Variants in VPS53 observed in about 807,000 individuals in gnomAD.
VPS53 encodes the protein VPS53 subunit of GARP complex.
Under a neutral mutation model 107.0 loss-of-function variants are expected in VPS53, and 70 were observed. The ratio of observed to expected loss-of-function variants is 0.65; its 90% CI spans 0.54 to 0.80. The LOEUF (loss-of-function observed/expected upper bound fraction) is 0.80, where lower values mean the gene tolerates loss of function less well. Ranked by LOEUF, VPS53 falls within the 30% of genes least tolerant of loss-of-function variation. VPS53 has a pLI of 0.00. For missense variants in VPS53, 917 were observed against 1,049.4 expected, an observed-to-expected ratio of 0.87 and a Z score of 1.74; for synonymous variants, 409 against 393.3, an observed-to-expected ratio of 1.04 and a Z score of -0.47.
intron 11 of VPS53, among the ~76,000 whole-genome samples, chr17:619,563 G>C (rs1205007136): frequency 7.4e-6 from 1 of 135,314 alleles, no homozygotes; most frequent in Non-Finnish European, 1.6e-5. Context: ...TGGGACTACA[G>C]GCATGCACCA....
intron 3 of VPS53, among the ~76,000 whole-genome samples, chr17:699,026 G>A (rs927365972): frequency 6.6e-5 from 10 of 151,978 alleles, no homozygotes; most frequent in Non-Finnish European, 1.5e-4. Context: ...AATTTGCCAG[G>A]CGTGGTGGCT....
chr17:618,289 T>G (rs531248529), intron 11 of VPS53, among the ~76,000 whole-genome samples: 7 of 89,454 alleles, frequency 7.8e-5, no homozygotes, highest in South Asian at 5.2e-4. Context: ...TAGCTGGGAC[T>G]ACAGGCGTGC....
At chr17:672,616 T>C (rs1972010155) in intron 4 of VPS53, among the ~76,000 whole-genome samples, 1 of 152,192 alleles carries the variant, frequency 6.6e-6, no homozygotes. Flanking sequence ...ATGGAATCTT[T>C]GAACCATGCT....
intron 2 of VPS53, 128 bp downstream of exon 2, chr17:710,405 G>A (rs1597518086): frequency 1.4e-6 from 1 of 699,296 alleles, no homozygotes; most frequent in East Asian, 2.6e-5. Context: ...TGATGATGGA[G>A]TTTGATTTGA....
At chr17:614,703 C>A (rs1410960025) in intron 11 of VPS53, among the ~76,000 whole-genome samples, 1 of 152,134 alleles carries the variant, frequency 6.6e-6, no homozygotes, top group South Asian at 2.1e-4. Flanking sequence ...TAGAGTGAGA[C>A]ATGCTGGGTG....
At chr17:653,991 C>T (rs1425545487) in intron 6 of VPS53, among the ~76,000 whole-genome samples, 1 of 152,146 alleles carries the variant, frequency 6.6e-6, no homozygotes, top group Admixed American at 6.5e-5. Context: ...GTCACGAGAT[C>T]GAGATCATCC....
rs1907882754 is a variant in VPS53, at chr17:510,560, G to A, written c.*8568C>T. On this transcript the variant is annotated 3_prime_UTR_variant, in exon 22 of 22. Coordinates refer to ENST00000437048, the MANE Select transcript of VPS53 (RefSeq NM_001128159.3). Reference sequence around the variant, plus strand: ...CCCCTCACTAGGCACATATCCTTGGGCCTGTCACTTACCCTCTTTGAGCCT... The same window carrying A: ...CCCCTCACTAGGCACATATCCTTGGACCTGTCACTTACCCTCTTTGAGCCT... The A allele has an allele frequency of 1.3e-5, 2 of 154,468 alleles. No homozygotes were observed. Among genetic ancestry groups the A allele is most frequent in the South Asian group, 3.7e-4 (2 of 5,374 alleles). The allele number at this position is 154,468 out of a possible 1,614,324, so 9.6% of individuals were successfully genotyped here.
At chr17:557,248 T>A (rs747914319) in intron 15 of VPS53, among the ~76,000 whole-genome samples, 3 of 152,230 alleles carry the variant, frequency 2.0e-5, no homozygotes, top group Non-Finnish European at 4.4e-5. Flanking sequence ...CATAGAAGTC[T>A]GACTCCAGCC....
chr17:664,952 G>A (rs1301619795), intron 4 of VPS53, among the ~76,000 whole-genome samples: 1 of 152,192 alleles, frequency 6.6e-6, no homozygotes, highest in East Asian at 1.9e-4. Context: ...GGCTTGACAG[G>A]CAGGTGTGTG....
intron 13 of VPS53, among the ~76,000 whole-genome samples, chr17:563,135 TAAAGTAAG>T (rs1168750208): frequency 1.3e-5 from 2 of 152,118 alleles, no homozygotes; most frequent in Non-Finnish European, 2.9e-5. Flanking sequence ...ACTCCAATAC[TAAAGTAAG>T]AAACTAATCC....
chr17:654,535 G>C (rs1483189754), intron 6 of VPS53, among the ~76,000 whole-genome samples: 1 of 151,952 alleles, frequency 6.6e-6, no homozygotes. Flanking sequence ...TCAGGAGATC[G>C]AGACCATCCT....
intron 17 of VPS53, among the ~76,000 whole-genome samples, chr17:542,975 C>CA (rs57176595): frequency 0.033 from 2,985 of 89,884 alleles, 44 homozygotes; most frequent in East Asian, 0.094. Flanking sequence ...GAGACTCTGT[C>CA]AAAAAAAAAA....
intron 19 of VPS53, among the ~76,000 whole-genome samples, chr17:529,884 A>C (rs1909401693): frequency 6.6e-6 from 1 of 151,434 alleles, no homozygotes; most frequent in Non-Finnish European, 1.5e-5. Flanking sequence ...AAAAAAAAAA[A>C]GAGCCAGCCA....
chr17:585,803 C>G (rs9893847), intron 13 of VPS53, among the ~76,000 whole-genome samples: 88,772 of 152,064 alleles, frequency 0.58, 26,393 homozygotes, highest in Middle Eastern at 0.73. Context: ...TTTGGTAACT[C>G]TGGTTGTTAT....
intron 4 of VPS53, among the ~76,000 whole-genome samples, chr17:677,746 T>C (rs1366288596): frequency 6.6e-6 from 1 of 151,932 alleles, no homozygotes; most frequent in Non-Finnish European, 1.5e-5. Flanking sequence ...ATATAAAAAA[T>C]TGAAAAAGGT....
intron 4 of VPS53, among the ~76,000 whole-genome samples, chr17:696,981 T>C (rs1218945951): frequency 6.6e-6 from 1 of 152,174 alleles, no homozygotes; most frequent in African/African-American, 2.4e-5. Flanking sequence ...TGTAAAATTT[T>C]TTAATGAATC....
intron 7 of VPS53, among the ~76,000 whole-genome samples, chr17:643,400 T>TCATACTTGGAAAGCGAGGACAAC (rs1970532152): frequency 1.8e-5 from 1 of 55,314 alleles, no homozygotes; most frequent in African/African-American, 7.2e-5. Flanking sequence ...CTGAGGACAA[T>TCATACTTGGAAAGCGAGGACAAC]ACTCATACTT....
At chr17:543,839 GGGAGGGAGGGAA>G (rs1317793619) in intron 17 of VPS53, among the ~76,000 whole-genome samples, 53 of 78,214 alleles carry the variant, frequency 6.8e-4, no homozygotes, top group African/African-American at 3.0e-3. Context: ...GAGGGAGGGA[GGGAGGGAGGGAA>G]GGAGGGAAGG....
chr17:714,647 G>C lies in VPS53; in HGVS notation c.63C>G (p.Pro21=), dbSNP rs147368637. 1.2e-6 allele frequency: 2 copies of C among 1,612,540 alleles called. No individual in the cohort carries two copies. Among genetic ancestry groups the C allele is most frequent in the Non-Finnish European group, 1.7e-6 (2 of 1,179,384 alleles). The change falls in exon 1 of 22, where the codon CCC becomes CCG. Residue 21 remains proline (P), a synonymous_variant. Coordinates refer to ENST00000437048, the MANE Select transcript of VPS53 (RefSeq NM_001128159.3). ...EELEAVLQLT[P]EVQLAIEQVF... ...CCTGCTCGATGGCCAGCTGCACCTC[G>C]GGCGTGAGCTGCAGCACGGCTTCCA...
Sources: allele counts gnomAD v4.1 joint callset (sites outside exome capture counted in the v4.1 genomes callset), GRCh38; gene constraint gnomAD v4.1.1; transcripts MANE v1.5; gene names NCBI Gene and HGNC (gene_info 2026-07-23, HGNC 2026-07-21).